The following SHOC2 variants were observed in gnomAD, a reference collection of about 807,000 sequenced individuals.
SHOC2 encodes SHOC2 leucine rich repeat scaffold protein.
Under a neutral mutation model 50.2 loss-of-function variants are expected in SHOC2, and 4 were observed. The ratio of observed to expected loss-of-function variants is 0.08; its 90% CI spans 0.04 to 0.18. The LOEUF (loss-of-function observed/expected upper bound fraction) is 0.18, where lower values mean the gene tolerates loss of function less well. Ranked by LOEUF, SHOC2 falls within the 10% of genes least tolerant of loss-of-function variation. SHOC2 has a pLI of 1.00. For missense variants in SHOC2, 388 were observed against 669.6 expected (o/e 0.58, Z 4.64); for synonymous variants, 218 against 244.5 (o/e 0.89, Z 1.01).
chr10:110,929,239 G>T (rs1033476061), intron 1 of SHOC2, among the ~76,000 whole-genome samples: 2 of 152,116 alleles, frequency 1.3e-5, no homozygotes, highest in African/African-American at 2.4e-5. Context: ...CCATTATCCA[G>T]TTTTTATAAC....
At chr10:110,922,578 G>GT (rs1282260045) in intron 1 of SHOC2, among the ~76,000 whole-genome samples, 1 of 151,984 alleles carries the variant, frequency 6.6e-6, no homozygotes, top group Non-Finnish European at 1.5e-5. Context: ...TAAGTGAAAT[G>GT]TATCTTTAGA....
At chr10:111,005,163 A>G (rs969402214) in intron 5 of SHOC2, among the ~76,000 whole-genome samples, 3 of 152,156 alleles carry the variant, frequency 2.0e-5, no homozygotes, top group Admixed American at 1.3e-4. Context: ...GGTACCAGCT[A>G]CATGGAAGGC....
intron 2 of SHOC2, among the ~76,000 whole-genome samples, chr10:110,965,293 C>T (rs1259578307): frequency 6.6e-6 from 1 of 152,102 alleles, no homozygotes; most frequent in Non-Finnish European, 1.5e-5. Flanking sequence ...AGATCTTTCC[C>T]ACACAAACCT....
At chr10:110,936,343 T>G (rs1051501038) in intron 1 of SHOC2, among the ~76,000 whole-genome samples, 1 of 151,948 alleles carries the variant, frequency 6.6e-6, no homozygotes, top group African/African-American at 2.4e-5. Context: ...ACTCAGGTGA[T>G]CCGCCTGCCT....
intron 2 of SHOC2, among the ~76,000 whole-genome samples, chr10:110,979,991 G>A (rs920925879): frequency 6.6e-6 from 1 of 152,160 alleles, no homozygotes; most frequent in Admixed American, 6.5e-5. Context: ...GAAATTGAAA[G>A]TAAGCATTTA....
intron 3 of SHOC2, among the ~76,000 whole-genome samples, chr10:110,990,441 A>C (rs1444325643): frequency 6.6e-6 from 1 of 152,184 alleles, no homozygotes; most frequent in Non-Finnish European, 1.5e-5. Flanking sequence ...TTGTGAGTGC[A>C]CCAATCAACA....
chr10:110,937,046 TTC>T (rs1163911412), intron 1 of SHOC2: 1 of 1,486,804 alleles, frequency 6.7e-7, no homozygotes, highest in Admixed American at 1.7e-5. Flanking sequence ...AGGGTTGGTG[TTC>T]ATCCGCTTGC....
At chr10:110,935,369 T>C (rs1459153776) in intron 1 of SHOC2, among the ~76,000 whole-genome samples, 1 of 152,242 alleles carries the variant, frequency 6.6e-6, no homozygotes, top group Non-Finnish European at 1.5e-5. Flanking sequence ...TTTGCTATAC[T>C]AACTCAATTG....
intron 2 of SHOC2, among the ~76,000 whole-genome samples, chr10:110,970,422 A>G (rs932714647): frequency 1.3e-5 from 2 of 152,034 alleles, no homozygotes; most frequent in African/African-American, 4.8e-5. Context: ...TATATACCAC[A>G]TTTTCTTTCT....
chr10:110,978,479 A>C (rs868018302), intron 2 of SHOC2, among the ~76,000 whole-genome samples: 1 of 152,164 alleles, frequency 6.6e-6, no homozygotes. Flanking sequence ...ACCTAGGGTA[A>C]ATTCCTTAGT....
intron 2 of SHOC2, among the ~76,000 whole-genome samples, chr10:110,976,680 C>G (rs1428919904): frequency 2.0e-5 from 3 of 152,062 alleles, no homozygotes; most frequent in African/African-American, 7.2e-5. Flanking sequence ...TTTTTCCCCC[C>G]TCAGTATTTT....
At chr10:110,919,862 G>T in intron 1 of SHOC2, 1 of 366,696 alleles carries the variant, frequency 2.7e-6, no homozygotes, top group South Asian at 1.4e-4. Flanking sequence ...TGCTGTCTCC[G>T]GGAGTGCGGG....
chr10:110,993,430 T>C (rs1848218044), intron 3 of SHOC2, among the ~76,000 whole-genome samples: 1 of 152,204 alleles, frequency 6.6e-6, no homozygotes, highest in Non-Finnish European at 1.5e-5. Context: ...TAATGGACTT[T>C]GGCAAAATGT....
At chr10:110,930,301 T>C (rs1365231280) in intron 1 of SHOC2, among the ~76,000 whole-genome samples, 2 of 152,186 alleles carry the variant, frequency 1.3e-5, no homozygotes. Context: ...ATAAGATACC[T>C]TGAGACCACA....
intron 6 of SHOC2, among the ~76,000 whole-genome samples, chr10:111,009,016 GCTT>G (rs1219525687): frequency 6.6e-6 from 1 of 151,906 alleles, no homozygotes; most frequent in South Asian, 2.1e-4. Context: ...AAATTAAATT[GCTT>G]CTTTTGTTTT....
chr10:110,933,738 C>T (rs923316001), intron 1 of SHOC2, among the ~76,000 whole-genome samples: 121 of 152,302 alleles, frequency 7.9e-4, no homozygotes, highest in African/African-American at 2.8e-3. Context: ...TTCAAGGCTG[C>T]AGTGCACACT....
chr10:110,942,449 G>A (rs1038862569), intron 1 of SHOC2, among the ~76,000 whole-genome samples: 1 of 152,152 alleles, frequency 6.6e-6, no homozygotes, highest in African/African-American at 2.4e-5. Context: ...CTGAGCTCAA[G>A]CAAGTCTCCC....
chr10:110,956,824 A>T (rs1007060866), intron 1 of SHOC2, among the ~76,000 whole-genome samples: 24 of 152,000 alleles, frequency 1.6e-4, no homozygotes, highest in African/African-American at 4.3e-4. Context: ...TTTTTTTTTT[A>T]AATAACAAAG....
At chr10:110,948,245 T>C (rs1847285549) in intron 1 of SHOC2, among the ~76,000 whole-genome samples, 1 of 152,176 alleles carries the variant, frequency 6.6e-6, no homozygotes, top group Admixed American at 6.5e-5. Context: ...GCCAAGATTC[T>C]AAAATCTTAA....
Sources: allele counts gnomAD v4.1 joint callset (sites outside exome capture counted in the v4.1 genomes callset), GRCh38; gene constraint gnomAD v4.1.1; transcripts MANE v1.5; gene names NCBI Gene and HGNC (gene_info 2026-07-23, HGNC 2026-07-21).